A1CF: variants seen among roughly 807,000 people sequenced by gnomAD.
A1CF encodes the protein APOBEC1 complementation factor.
Under a neutral mutation model 68.9 loss-of-function variants are expected in A1CF, and 48 were observed. The observed-to-expected ratio is 0.70, with a 90% CI of 0.55 to 0.89. The LOEUF is 0.89. Ranked by LOEUF, A1CF falls within the 40% of genes least tolerant of loss-of-function variation. The probability of loss-of-function intolerance (pLI) is 0.00; values close to 1 mark genes in which losing one functional copy is unlikely to be tolerated. For missense variants in A1CF, 653 were observed against 718.9 expected (o/e 0.91, Z 1.05); for synonymous variants, 272 against 260.4 (o/e 1.04, Z -0.43).
At chr10:50,845,767 A>G (rs1839970859) in intron 3 of A1CF, among the ~76,000 whole-genome samples, 1 of 152,172 alleles carries the variant, frequency 6.6e-6, no homozygotes, top group Non-Finnish European at 1.5e-5. Flanking sequence ...CAGCCTGGCC[A>G]ACATGGTGAA....
chr10:50,832,370 C>A lies in A1CF; in HGVS notation c.604+3704G>T, dbSNP rs961552717. 2.0e-5 allele frequency among the ~76,000 whole-genome samples: 3 copies of A among 152,154 alleles called. No homozygotes were observed. The East Asian group carries it at 5.8e-4, about 29-fold the overall frequency. Reference sequence around the variant, plus strand: ...TCGTTACTGACCTCTGGACTACCTACCCTTCCCAATTCTGATATAAGTGGG... The same window carrying A: ...TCGTTACTGACCTCTGGACTACCTAACCTTCCCAATTCTGATATAAGTGGG... On this transcript the variant is annotated intron_variant, in intron 6 of 12. Coordinates refer to ENST00000373997, the MANE Select transcript of A1CF (RefSeq NM_014576.4).
At chr10:50,857,558 T>C (rs1840541982) in intron 3 of A1CF, among the ~76,000 whole-genome samples, 1 of 152,190 alleles carries the variant, frequency 6.6e-6, no homozygotes. Flanking sequence ...GTTGTGACTC[T>C]TAGTTCCCCC....
intron 5 of A1CF, among the ~76,000 whole-genome samples, chr10:50,840,768 C>G (rs979600176): frequency 2.0e-5 from 3 of 152,168 alleles, no homozygotes; most frequent in Non-Finnish European, 4.4e-5. Context: ...CAACACCTCC[C>G]CTGGGATGTT....
At chr10:50,857,678 G>C (rs1840550300) in intron 3 of A1CF, among the ~76,000 whole-genome samples, 1 of 152,158 alleles carries the variant, frequency 6.6e-6, no homozygotes, top group African/African-American at 2.4e-5. Context: ...ACACTAAGCT[G>C]GTGGATCTAA....
intron 12 of A1CF, among the ~76,000 whole-genome samples, chr10:50,807,469 C>T (rs1398296712): frequency 2.0e-5 from 3 of 152,194 alleles, no homozygotes; most frequent in African/African-American, 7.2e-5. Context: ...TCCATATTTA[C>T]ATGTAACTAT....
chr10:50,862,305 G>A (rs1840784539), intron 2 of A1CF, among the ~76,000 whole-genome samples: 1 of 152,018 alleles, frequency 6.6e-6, no homozygotes, highest in African/African-American at 2.4e-5. Flanking sequence ...GGTGAAGGTT[G>A]CAGTAAGCTG....
chr10:50,868,146 G>C (rs926760675), intron 1 of A1CF, among the ~76,000 whole-genome samples: 1 of 152,120 alleles, frequency 6.6e-6, no homozygotes, highest in Non-Finnish European at 1.5e-5. Context: ...ATGTAGGCTG[G>C]ACATAACTTT....
intron 3 of A1CF, 125 bp from the exon 4 acceptor site, chr10:50,844,247 G>A: frequency 1.5e-6 from 2 of 1,369,466 alleles, no homozygotes; most frequent in Non-Finnish European, 2.0e-6. Flanking sequence ...AGTAATAATA[G>A]TGGACTGGTT....
chr10:50,878,909 AG>A (rs1841645808), intron 1 of A1CF, among the ~76,000 whole-genome samples: 1 of 152,228 alleles, frequency 6.6e-6, no homozygotes, highest in Non-Finnish European at 1.5e-5. Flanking sequence ...CTTAAAGATC[AG>A]ACAAATACCT....
chr10:50,876,441 T>G (rs2132608914), intron 1 of A1CF, among the ~76,000 whole-genome samples: 1 of 152,244 alleles, frequency 6.6e-6, no homozygotes, highest in East Asian at 1.9e-4. Context: ...GAATGATAGG[T>G]TTTTAACCCC....
intron 3 of A1CF, among the ~76,000 whole-genome samples, chr10:50,856,874 G>C (rs1840501064): frequency 6.6e-6 from 1 of 151,918 alleles, no homozygotes; most frequent in Non-Finnish European, 1.5e-5. Context: ...ATAAAGATTG[G>C]CCATATATTT....
rs377681758 is a variant in A1CF, at chr10:50,821,944, T to C, written c.770-1295A>G. 3.5e-4 allele frequency among the ~76,000 whole-genome samples: 54 copies of C among 152,316 alleles called. 2 individuals are homozygous for C. The South Asian group carries it at 0.01, about 29-fold the overall frequency. ...ATATATATGTGCACACAAATATAAA[T>C]ACACTCATACAGAAAGTGAACTGAA... On this transcript the variant is annotated intron_variant, in intron 7 of 12. Coordinates refer to ENST00000373997, the MANE Select transcript of A1CF (RefSeq NM_014576.4).
At chr10:50,872,931 CTTATAT>C in intron 1 of A1CF, among the ~76,000 whole-genome samples, 1 of 99,076 alleles carries the variant, frequency 1.0e-5, no homozygotes, top group South Asian at 3.7e-4. Flanking sequence ...TACTTTTATT[CTTATAT>C]TTAAGTTCCT....
chr10:50,866,972 C>G (rs1841021198), intron 1 of A1CF, among the ~76,000 whole-genome samples: 1 of 151,006 alleles, frequency 6.6e-6, no homozygotes, highest in South Asian at 2.1e-4. Flanking sequence ...ATCTCGGCCT[C>G]CTAGACTGCT....
intron 1 of A1CF, among the ~76,000 whole-genome samples, chr10:50,881,043 G>A (rs1328373111): frequency 6.6e-6 from 1 of 151,558 alleles, no homozygotes; most frequent in East Asian, 1.9e-4. Flanking sequence ...AGGCTGGAGT[G>A]CAATGGTGCG....
chr10:50,809,938 T>C lies in A1CF; in HGVS notation c.1565A>G (p.Asp522Gly). 1.2e-6 allele frequency: 2 copies of C among 1,614,034 alleles called. No homozygotes were observed. The highest frequency in any genetic ancestry group is 1.7e-6 in the Non-Finnish European group (2 of 1,179,936). ...AGCAGCAGCAGTAGCCATGGTGCCATCGCCTCCATCAGTGGGGATGCCCAG... is the reference window on the plus strand; with the variant it reads ...AGCAGCAGCAGTAGCCATGGTGCCACCGCCTCCATCAGTGGGGATGCCCAG... ...QTLGIPTDGGDGTMATAAAAA... is the reference protein window; with the variant it reads ...QTLGIPTDGGGGTMATAAAAA... Residue 522 changes from aspartate (D) to glycine (G), a missense_variant, in exon 12 of 13, where the codon GAT becomes GGT. By Grantham distance (94) the Asp-to-Gly change is moderately conservative (BLOSUM62 -1). Transcript: ENST00000373997.
intron 8 of A1CF, among the ~76,000 whole-genome samples, chr10:50,818,837 G>A (rs1168010578): frequency 1.3e-5 from 2 of 152,144 alleles, no homozygotes; most frequent in Non-Finnish European, 2.9e-5. Context: ...GCTCCACAGT[G>A]TCTGAAGGGC....
intron 1 of A1CF, among the ~76,000 whole-genome samples, chr10:50,882,639 C>T (rs1371075090): frequency 1.3e-5 from 2 of 152,096 alleles, no homozygotes; most frequent in Non-Finnish European, 2.9e-5. Context: ...TGCTCCTTTT[C>T]CAGATGCTTT....
intron 9 of A1CF, among the ~76,000 whole-genome samples, chr10:50,814,250 A>T (rs150084317): frequency 0.012 from 1,819 of 152,186 alleles, 19 homozygotes; most frequent in Non-Finnish European, 0.017. Flanking sequence ...TCTTTTTTGA[A>T]AAACTACCTT....
Sources: gnomAD v4.1 joint callset for allele counts (sites outside exome capture counted in the v4.1 genomes callset) on GRCh38, gnomAD v4.1.1 for gene constraint, MANE v1.5 for transcripts, NCBI Gene and HGNC (gene_info 2026-07-23, HGNC 2026-07-21) for gene names.